PRH1: variants seen among roughly 807,000 people sequenced by gnomAD.
PRH1 encodes proline rich protein HaeIII subfamily 1, also known as salivary acidic proline-rich phosphoprotein 1/2.
A neutral mutation model predicts 7.9 loss-of-function variants in PRH1; 7 were observed. The ratio of observed to expected loss-of-function variants is 0.89; its 90% CI spans 0.50 to 1.67. PRH1 has a LOEUF of 1.67. PRH1 is among the 40% of genes most tolerant of loss of function. PRH1 has a pLI of 0.00. For synonymous variants in PRH1, 45 were observed against 80.8 expected, an observed-to-expected ratio of 0.56 and a Z score of 2.38; for missense variants, 109 against 223.6, an observed-to-expected ratio of 0.49 and a Z score of 3.27.
chr12:10,925,259 A>G (rs1000331896), intron 2 of PRH1, among the ~76,000 whole-genome samples: 1 of 152,050 alleles, frequency 6.6e-6, no homozygotes, highest in Non-Finnish European at 1.5e-5. Flanking sequence ...AATATCAATG[A>G]CCCGGACCTG....
At chr12:10,923,965 G>A (rs919574647) in intron 2 of PRH1, among the ~76,000 whole-genome samples, 4 of 121,044 alleles carry the variant, frequency 3.3e-5, no homozygotes, top group African/African-American at 1.2e-4. Context: ...AAAGTGATAA[G>A]TTCTTTTTAT....
intron 1 of PRH1, among the ~76,000 whole-genome samples, chr12:11,129,164 C>T (rs1196896257): frequency 6.6e-6 from 1 of 152,274 alleles, no homozygotes; most frequent in African/African-American, 2.4e-5. Context: ...ATCTTCACAC[C>T]TTGGCCTCCC....
intron 2 of PRH1, among the ~76,000 whole-genome samples, chr12:10,960,334 A>C (rs924788944): frequency 2.6e-5 from 4 of 152,226 alleles, no homozygotes; most frequent in Non-Finnish European, 5.9e-5. Context: ...GTGGTAGTAC[A>C]TTTTATATCC....
upstream of PRH1, among the ~76,000 whole-genome samples, chr12:11,048,158 G>C (rs1436824413): frequency 2.0e-5 from 2 of 100,460 alleles, no homozygotes; most frequent in Non-Finnish European, 4.4e-5. Flanking sequence ...GTGTGTGTGT[G>C]TGTATAGATA....
chr12:11,150,470 C>G (rs1947039689), intron 1 of PRH1, among the ~76,000 whole-genome samples: 1 of 152,070 alleles, frequency 6.6e-6, no homozygotes, highest in Non-Finnish European at 1.5e-5. Flanking sequence ...CACATATACA[C>G]CATGGAATAC....
chr12:10,967,443 G>C (rs530401917), intron 2 of PRH1, among the ~76,000 whole-genome samples: 1 of 152,158 alleles, frequency 6.6e-6, no homozygotes, highest in Admixed American at 6.5e-5. Flanking sequence ...GCAAGACGTG[G>C]AACATTGCAA....
intron 2 of PRH1, among the ~76,000 whole-genome samples, chr12:10,928,389 A>G (rs1267976083): frequency 6.6e-6 from 1 of 152,190 alleles, no homozygotes; most frequent in East Asian, 1.9e-4. Flanking sequence ...AATAAAGTAG[A>G]TGATGAATTC....
chr12:11,068,538 TTGGAGGACATGCATA>T (rs1217188139), intron 1 of PRH1, among the ~76,000 whole-genome samples: 4 of 152,200 alleles, frequency 2.6e-5, no homozygotes, highest in African/African-American at 9.6e-5. Context: ...TGAAAGACAT[TTGGAGGACATGCATA>T]AAGATAAATT....
intron 1 of PRH1, among the ~76,000 whole-genome samples, chr12:11,136,021 G>A (rs1268522706): frequency 6.6e-6 from 1 of 152,164 alleles, no homozygotes; most frequent in African/African-American, 2.4e-5. Context: ...TAACCATTAT[G>A]TGGAGCAAGA....
intron 1 of PRH1, among the ~76,000 whole-genome samples, chr12:11,056,822 AAAC>A (rs1311545777): frequency 3.3e-5 from 5 of 152,156 alleles, no homozygotes; most frequent in African/African-American, 7.2e-5. Flanking sequence ...CGTCTCGAGA[AAAC>A]AACAACAAAA....
At chr12:10,938,079 G>T in intron 2 of PRH1, 1 of 531,306 alleles carries the variant, frequency 1.9e-6, no homozygotes, top group Non-Finnish European at 3.3e-6. Context: ...ATTCTTCTCT[G>T]TATGGTAATA....
At chr12:10,952,584 A>C (rs1937740168) in intron 2 of PRH1, among the ~76,000 whole-genome samples, 1 of 151,916 alleles carries the variant, frequency 6.6e-6, no homozygotes, top group South Asian at 2.1e-4. Flanking sequence ...GAGAGACAAA[A>C]AGAACAATGA....
At chr12:10,975,456 A>T (rs1591754307) in intron 1 of PRH1, among the ~76,000 whole-genome samples, 2 of 152,158 alleles carry the variant, frequency 1.3e-5, no homozygotes, top group South Asian at 4.1e-4. Flanking sequence ...ATCTTCACTG[A>T]CAACACAAAT....
At chr12:10,937,243 T>TGC (rs1950303754) in intron 2 of PRH1, among the ~76,000 whole-genome samples, 2 of 151,888 alleles carry the variant, frequency 1.3e-5, no homozygotes, top group South Asian at 2.1e-4. Flanking sequence ...TGTGTGTGTG[T>TGC]GTGCGTGCGT....
At chr12:10,942,942 TG>T in intron 2 of PRH1, among the ~76,000 whole-genome samples, 1 of 152,306 alleles carries the variant, frequency 6.6e-6, no homozygotes, top group East Asian at 1.9e-4. Context: ...CAGGTAAGGT[TG>T]TAATCTTTTC....
chr12:11,020,363 G>GAGATAT (rs1565557194), intron 1 of PRH1, among the ~76,000 whole-genome samples: 3 of 87,580 alleles, frequency 3.4e-5, no homozygotes, highest in Admixed American at 1.3e-4. Context: ...TATGATAAGC[G>GAGATAT]ATATATATAT....
chr12:11,014,540 G>C (rs919039855), intron 1 of PRH1, among the ~76,000 whole-genome samples: 1 of 152,076 alleles, frequency 6.6e-6, no homozygotes, highest in African/African-American at 2.4e-5. Context: ...TATAAACCAA[G>C]AGCAAGCCTT....
intron 2 of PRH1, among the ~76,000 whole-genome samples, chr12:10,941,198 C>T (rs1169121553): frequency 6.6e-6 from 1 of 152,134 alleles, no homozygotes; most frequent in Non-Finnish European, 1.5e-5. Context: ...GAGCAGAGCT[C>T]ACGTCTCCAG....
At chr12:11,049,996 A>G (rs1014516074), upstream of PRH1, among the ~76,000 whole-genome samples, 18 of 152,142 alleles carry the variant, frequency 1.2e-4, no homozygotes, top group Non-Finnish European at 2.1e-4. Context: ...CCAGGAGGTC[A>G]TCTAGGTGGA....
Sources: gnomAD v4.1 joint callset for allele counts (sites outside exome capture counted in the v4.1 genomes callset) on GRCh38, gnomAD v4.1.1 for gene constraint, MANE v1.5 for transcripts, NCBI Gene and HGNC (gene_info 2026-07-23, HGNC 2026-07-21) for gene names.